Variants in IQCH observed in about 807,000 individuals in gnomAD.
IQCH encodes IQ domain-containing protein H.
A neutral mutation model predicts 117.0 loss-of-function variants in IQCH; 98 were observed. That is an observed-to-expected ratio of 0.84 (90% confidence interval 0.71 to 0.99). IQCH has a LOEUF of 0.99. Among genes scored for constraint, IQCH ranks in the 50% least tolerant of loss-of-function variants. IQCH has a pLI of 0.00. For missense variants in IQCH, 1,102 were observed against 1,243.8 expected, an observed-to-expected ratio of 0.89 and a Z score of 1.72; for synonymous variants, 412 against 448.2, an observed-to-expected ratio of 0.92 and a Z score of 1.02.
chr15:67,457,116 C>T lies in IQCH; in HGVS notation c.2506-8011C>T, dbSNP rs985211939. ...CCAAGAGACTGGGCTATCCCAACAG[C>T]TGCCACCAGGTGGCAACAAGCCAAG... On this transcript the variant is annotated intron_variant, in intron 16 of 20. Coordinates refer to ENST00000335894, the MANE Select transcript of IQCH (RefSeq NM_001031715.3). This position sits in a 1 kb window ranked among gnomAD's most constrained non-coding sequence, Gnocchi z 5.7. 3.9e-5 allele frequency among the ~76,000 whole-genome samples: 6 copies of T among 152,256 alleles called. No homozygotes were observed. The highest frequency in any genetic ancestry group is 1.4e-4 in the African/African-American group (6 of 41,472).
In IQCH at chr15:67,285,367, G is replaced by A. The variant is rs184694200; in HGVS notation, c.387+5855G>A. ...ATCCTTTGTCGGTTACATAGTTTGC[G>A]AAAATTTTCTCCCATTCTGTAGGTT... On this transcript the variant is annotated intron_variant, in intron 4 of 20. Coordinates refer to ENST00000335894, the MANE Select transcript of IQCH (RefSeq NM_001031715.3). 5.9e-3 allele frequency among the ~76,000 whole-genome samples: 899 copies of A among 151,808 alleles called. 11 individuals are homozygous for A. The highest frequency in any genetic ancestry group is 0.021 in the African/African-American group (863 of 41,402).
At chr15:67,418,462 CAAGT>C (rs1455099244) in intron 15 of IQCH, among the ~76,000 whole-genome samples, 1 of 144,694 alleles carries the variant, frequency 6.9e-6, no homozygotes, top group Non-Finnish European at 1.5e-5. Context: ...CACTGATAGA[CAAGT>C]AAGGAAAGTC....
At chr15:67,441,073 G>A (rs554470852) in intron 16 of IQCH, among the ~76,000 whole-genome samples, 44 of 124,942 alleles carry the variant, frequency 3.5e-4, no homozygotes, top group South Asian at 1.6e-3. Context: ...TACCAACAGC[G>A]ACCAAGTGGA....
intron 16 of IQCH, 73 bp downstream of exon 16, chr15:67,421,650 C>T: frequency 2.1e-6 from 3 of 1,456,516 alleles, no homozygotes; most frequent in African/African-American, 2.8e-5. Context: ...TACAGTACAA[C>T]AGGGCATATG....
chr15:67,296,793 T>C (rs1008011316), intron 4 of IQCH, among the ~76,000 whole-genome samples: 1 of 152,180 alleles, frequency 6.6e-6, no homozygotes, highest in Non-Finnish European at 1.5e-5. Flanking sequence ...TTGTGTGACC[T>C]TGAGAAGTCA....
chr15:67,358,222 T>TTTTTTTTTTTTTTTTTTTTTTTTTTTTA (rs1567124468), intron 7 of IQCH, among the ~76,000 whole-genome samples: 1 of 122,536 alleles, frequency 8.2e-6, no homozygotes, highest in African/African-American at 3.1e-5. Flanking sequence ...TTTTTTTTTT[T>TTTTTTTTTTTTTTTTTTTTTTTTTTTTA]GAGATGGAGT....
At chr15:67,461,307 G>C (rs543038573) in intron 16 of IQCH, among the ~76,000 whole-genome samples, 1 of 152,330 alleles carries the variant, frequency 6.6e-6, no homozygotes, top group Non-Finnish European at 1.5e-5. Flanking sequence ...ATTTGAATCT[G>C]AAACCAGCCT....
chr15:67,290,664 CCTA>C (rs1966720765), intron 4 of IQCH, among the ~76,000 whole-genome samples: 1 of 151,498 alleles, frequency 6.6e-6, no homozygotes, highest in South Asian at 2.1e-4. Context: ...TTACGCTTAA[CCTA>C]ATAATTTCAG....
Position 67,436,274 on chromosome 15 carries a change from C to T in IQCH, c.2505+14697C>T, listed in dbSNP as rs930903253. Among the ~76,000 whole-genome samples, 1 of 152,182 alleles carries T rather than the reference C, an allele frequency of 6.6e-6. No individual in the cohort carries two copies. Among genetic ancestry groups the T allele is most frequent in the African/African-American group, 2.4e-5 (1 of 41,442 alleles). On this transcript the variant is annotated intron_variant, in intron 16 of 20. Transcript: ENST00000335894. The surrounding 1 kb of genome is among the most constrained non-coding windows in gnomAD (Gnocchi z 5.1). Reference sequence around the variant, plus strand: ...ACTGCGGAAGTAGGAAAGGGAGACCCTCCTCTCTCAAACACACACCCCCGC... The same window carrying T: ...ACTGCGGAAGTAGGAAAGGGAGACCTTCCTCTCTCAAACACACACCCCCGC...
intron 14 of IQCH, among the ~76,000 whole-genome samples, chr15:67,400,952 CTGT>C (rs1596312067): frequency 1.3e-5 from 2 of 152,062 alleles, no homozygotes; most frequent in Non-Finnish European, 2.9e-5. Flanking sequence ...CTTCTAACAA[CTGT>C]TGTTGTTAAG....
rs188764115 is a variant in IQCH at position 67,313,152 on chromosome 15, G to T, written c.388-23823G>T. 7.9e-5 allele frequency among the ~76,000 whole-genome samples: 12 copies of T among 152,166 alleles called. No homozygotes were observed. In the East Asian group the frequency reaches 2.3e-3, roughly 29 times the overall value. The stretch of plus-strand genomic sequence containing the variant: ...ATATAATTGATTATTTATATTAAAA[G>T]ATTATATAATCTTCACAATAGCCTG... On this transcript the variant is annotated intron_variant, in intron 4 of 20. Transcript: ENST00000335894.
chr15:67,306,446 C>T (rs1320941161), intron 4 of IQCH, among the ~76,000 whole-genome samples: 1 of 152,064 alleles, frequency 6.6e-6, no homozygotes, highest in Non-Finnish European at 1.5e-5. Flanking sequence ...CCATGTGTTT[C>T]GTTACTTCTT....
intron 1 of IQCH, among the ~76,000 whole-genome samples, chr15:67,260,239 G>A (rs573833733): frequency 5.9e-5 from 9 of 152,292 alleles, no homozygotes; most frequent in Middle Eastern, 3.4e-3. Context: ...TTTATCTGAA[G>A]TTTGGTTTCT....
chr15:67,352,403 C>T (rs915453871), intron 6 of IQCH, among the ~76,000 whole-genome samples: 1 of 151,996 alleles, frequency 6.6e-6, no homozygotes, highest in Non-Finnish European at 1.5e-5. Context: ...CTTTGCTCTT[C>T]ATTCCTTGTT....
In IQCH at chr15:67,269,695, TC is replaced by T. The variant is rs1258556494; in HGVS notation, c.269+6481del. ...CAATCTACTCTCCATATTCATGAGA[TC>T]CACTTTTTTTTTTTTAGCTCCCACA... On this transcript the variant is annotated intron_variant, in intron 3 of 20. Coordinates refer to ENST00000335894, the MANE Select transcript of IQCH (RefSeq NM_001031715.3). Among the ~76,000 whole-genome samples, 24 of 13,774 alleles carry T rather than the reference TC, an allele frequency of 1.7e-3. No homozygotes were observed. The East Asian group carries it at 0.018, about 10-fold the overall frequency. 9.0% of individuals were successfully genotyped at this position (13,774 alleles called of 152,430 possible).
Position 67,417,181 on chromosome 15 carries a change from TTC to T in IQCH, c.2218+132_2218+133del, listed in dbSNP as rs2081599034. On this transcript the variant is annotated intron_variant, in intron 15 of 20. Transcript: ENST00000335894. This position sits in a 1 kb window ranked among gnomAD's most constrained non-coding sequence, Gnocchi z 4.3. ...GGTTTAGAAAAGTGCTCCTACGGTTTTCTTTTTCAAATGTTGCCTAAATATTT... is the reference window on the plus strand; with the variant it reads ...GGTTTAGAAAAGTGCTCCTACGGTTTTTTTTCAAATGTTGCCTAAATATTT... 2.9e-6 allele frequency: 2 copies of T among 683,668 alleles called. No individual in the cohort carries two copies. Among genetic ancestry groups the T allele is most frequent in the East Asian group, 6.5e-5 (2 of 30,568 alleles). 42.4% of individuals were successfully genotyped at this position (683,668 alleles called of 1,614,324 possible). A position where few individuals can be genotyped will look rare whatever the true frequency, so the allele number is the denominator to read the frequency against.
chr15:67,268,070 G>A (rs955045918), intron 3 of IQCH, among the ~76,000 whole-genome samples: 2 of 152,198 alleles, frequency 1.3e-5, no homozygotes, highest in African/African-American at 4.8e-5. Flanking sequence ...AATCACTGAT[G>A]AGGCTCAAGT....
rs1971146823 is a variant in IQCH, at chr15:67,387,561, A to T, written c.1457-1270A>T. ...CCACAGAGAACACTACTTCATGTTAAATCTTGCACTGATCAAAAGGAATGT... is the reference window on the plus strand; with the variant it reads ...CCACAGAGAACACTACTTCATGTTATATCTTGCACTGATCAAAAGGAATGT... On this transcript the variant is annotated intron_variant, in intron 11 of 20. Coordinates refer to ENST00000335894, the MANE Select transcript of IQCH (RefSeq NM_001031715.3). This position sits in a 1 kb window ranked among gnomAD's most constrained non-coding sequence, Gnocchi z 4.8. 6.6e-6 allele frequency among the ~76,000 whole-genome samples: 1 copy of T among 152,154 alleles called. No individual in the cohort carries two copies. Among genetic ancestry groups the T allele is most frequent in the Admixed American group, 6.5e-5 (1 of 15,280 alleles).
At chr15:67,282,025 G>C in intron 4 of IQCH, 2 of 268,000 alleles carry the variant, frequency 7.5e-6, no homozygotes, top group South Asian at 7.4e-5. Flanking sequence ...ACGCTGGGCT[G>C]AATAAGACAG....
Sources: allele counts gnomAD v4.1 joint callset (sites outside exome capture counted in the v4.1 genomes callset), GRCh38; gene constraint gnomAD v4.1.1; non-coding constraint Gnocchi (gnomAD v3.1); transcripts MANE v1.5; gene names NCBI Gene and HGNC (gene_info 2026-07-23, HGNC 2026-07-21).